ABLIM1: variants seen among roughly 807,000 people sequenced by gnomAD.
ABLIM1 encodes the protein actin binding LIM protein 1, also known as actin-binding LIM protein 1.
A neutral mutation model predicts 107.0 loss-of-function variants in ABLIM1; 40 were observed. The ratio of observed to expected loss-of-function variants is 0.37; its 90% CI spans 0.29 to 0.49. The LOEUF is 0.49. Ranked by LOEUF, ABLIM1 falls within the 20% of genes least tolerant of loss-of-function variation. ABLIM1 has a pLI of 0.97. For synonymous variants in ABLIM1, 357 were observed against 357.3 expected, an observed-to-expected ratio of 1.00 and a Z score of 0.01; for missense variants, 857 against 1,008.5, an observed-to-expected ratio of 0.85 and a Z score of 2.04.
At chr10:114,557,019 A>C (rs943108927) in intron 4 of ABLIM1, among the ~76,000 whole-genome samples, 2 of 152,254 alleles carry the variant, frequency 1.3e-5, no homozygotes, top group Non-Finnish European at 2.9e-5. Context: ...TAGCCAGAAA[A>C]GCAATACAAG....
At position 114,436,194 on chromosome 10, in the gene ABLIM1, A is replaced by G; in HGVS notation, c.*66T>C. On this transcript the variant is annotated 3_prime_UTR_variant, in exon 23 of 23. Coordinates refer to ENST00000533213, the MANE Select transcript of ABLIM1 (RefSeq NM_002313.7). ...AATTCTCCAATCAAGTTTGGGCCTC[A>G]ATATGACATCCTATGGGGCACCGCC... is the stretch of plus-strand genomic sequence containing the variant. 7.5e-7 allele frequency: 1 copy of G among 1,330,716 alleles called. No homozygotes were observed. The highest frequency in any genetic ancestry group is 1.1e-6 in the Non-Finnish European group (1 of 943,284). The allele number at this position is 1,330,716 out of a possible 1,614,324, so 82.4% of individuals were successfully genotyped here.
At chr10:114,589,184 G>A (rs1298971299) in intron 2 of ABLIM1, among the ~76,000 whole-genome samples, 5 of 150,082 alleles carry the variant, frequency 3.3e-5, no homozygotes, top group Non-Finnish European at 7.4e-5. Context: ...ATAGCTGTAC[G>A]ATGCGTGTGT....
intron 14 of ABLIM1, among the ~76,000 whole-genome samples, 193 bp from the exon 15 acceptor site, chr10:114,448,213 G>A (rs1018399944): frequency 2.6e-5 from 4 of 152,118 alleles, no homozygotes; most frequent in African/African-American, 7.2e-5. Flanking sequence ...CTTACTTTAC[G>A]TCAGAAGCAA....
intron 2 of ABLIM1, among the ~76,000 whole-genome samples, chr10:114,592,338 G>C (rs1434016554): frequency 6.6e-6 from 1 of 152,102 alleles, no homozygotes; most frequent in Non-Finnish European, 1.5e-5. Flanking sequence ...AGGTCCTGAG[G>C]CTATTTGGTA....
At position 114,627,832 on chromosome 10, in the gene ABLIM1, C is replaced by A. The variant is rs192681437; in HGVS notation, c.245-25871G>T. 2.0e-4 allele frequency among the ~76,000 whole-genome samples: 30 copies of A among 152,240 alleles called. No homozygotes were observed. The East Asian group carries it at 5.0e-3, about 26-fold the overall frequency. ...TGATTGACTTTCCATACAAATTGTT[C>A]ACATCTTAGCCTGGGAACGGTGGCT... On this transcript the variant is annotated intron_variant, in intron 1 of 22. Transcript: ENST00000533213.
At chr10:114,757,165 A>C (rs1182097634) in intron 1 of ABLIM1, among the ~76,000 whole-genome samples, 1 of 152,218 alleles carries the variant, frequency 6.6e-6, no homozygotes, top group Non-Finnish European at 1.5e-5. Context: ...ATAATGAGAA[A>C]CCATAAATAA....
Position 114,466,682 on chromosome 10 carries a change from C to CA in ABLIM1, c.1312-856dup, listed in dbSNP as rs529826202. On this transcript the variant is annotated intron_variant, in intron 11 of 22. Coordinates refer to ENST00000533213, the MANE Select transcript of ABLIM1 (RefSeq NM_002313.7). ...ATTTTAAATAAATTCTCCTGAATAA[C>CA]AAGTTGATGGTTGCCATAAAGCCGG... Among the ~76,000 whole-genome samples, 257 of 152,280 alleles carry CA rather than the reference C, an allele frequency of 1.7e-3. 2 individuals carry two copies. The highest frequency in any genetic ancestry group is 6.1e-3 in the African/African-American group (252 of 41,560).
chr10:114,526,633 G>T lies in ABLIM1; in HGVS notation c.894+18372C>A, dbSNP rs963548281. On this transcript the variant is annotated intron_variant, in intron 6 of 22. Coordinates refer to ENST00000533213, the MANE Select transcript of ABLIM1 (RefSeq NM_002313.7). ...TCTGCCACGCAAAGCAAAGGACATA[G>T]GTCACCTTGTGCAATGTCCGCTTTA... 5.1e-6 allele frequency: 5 copies of T among 985,402 alleles called. No homozygotes were observed. In the African/African-American group the frequency reaches 8.7e-5, roughly 17 times the overall value. The allele number at this position is 985,402 out of a possible 1,614,324, so 61.0% of individuals were successfully genotyped here.
At chr10:114,554,884 C>T (rs149581640) in intron 4 of ABLIM1, among the ~76,000 whole-genome samples, 157 of 152,306 alleles carry the variant, frequency 1.0e-3, no homozygotes, top group African/African-American at 3.3e-3. Flanking sequence ...CAAATTCCAG[C>T]TCTGACACTG....
chr10:114,748,374 A>G (rs1034009302), intron 1 of ABLIM1, among the ~76,000 whole-genome samples: 1 of 152,164 alleles, frequency 6.6e-6, no homozygotes, highest in Non-Finnish European at 1.5e-5. Flanking sequence ...CAGAAGGAAG[A>G]GAGCAGTTCA....
rs79958403 is a variant in ABLIM1, at chr10:114,579,135, A to G, written c.380-3536T>C. Among the ~76,000 whole-genome samples, 1,026 of 152,154 alleles carry G rather than the reference A, an allele frequency of 6.7e-3. 11 individuals are homozygous for G. Among genetic ancestry groups the G allele is most frequent in the African/African-American group, 0.024 (991 of 41,508 alleles). On this transcript the variant is annotated intron_variant, in intron 2 of 22. Transcript: ENST00000533213. ...TTCCCTCCTCTGCCTTCTTGCTATC[A>G]CTACTCAAAACCTGGCCTTCAGCAT...
chr10:114,712,994 A>T (rs1478535478), intron 1 of ABLIM1, among the ~76,000 whole-genome samples: 1 of 152,176 alleles, frequency 6.6e-6, no homozygotes, highest in Admixed American at 6.5e-5. Context: ...AAGTTGCAGT[A>T]GCTATGATCA....
At chr10:114,727,892 TCCAGCCTGG>T (rs1264723740) in intron 1 of ABLIM1, among the ~76,000 whole-genome samples, 7 of 151,972 alleles carry the variant, frequency 4.6e-5, no homozygotes, top group Admixed American at 4.6e-4. Context: ...CACATTGCAC[TCCAGCCTGG>T]GCAACAGAGC....
At chr10:114,717,951 G>A (rs1219138292) in intron 1 of ABLIM1, among the ~76,000 whole-genome samples, 5 of 140,952 alleles carry the variant, frequency 3.5e-5, no homozygotes, top group East Asian at 2.1e-4. Flanking sequence ...GGGGAGGGGA[G>A]GGGGAAAGAG....
At chr10:114,609,136 C>T (rs976652963) in intron 1 of ABLIM1, among the ~76,000 whole-genome samples, 1 of 152,202 alleles carries the variant, frequency 6.6e-6, no homozygotes, top group East Asian at 1.9e-4. Flanking sequence ...AAACAACTAC[C>T]TCTGCTGAGT....
chr10:114,738,119 G>T (rs2082218840), intron 1 of ABLIM1, among the ~76,000 whole-genome samples: 1 of 152,132 alleles, frequency 6.6e-6, no homozygotes, highest in South Asian at 2.1e-4. Context: ...CGCGATCTTG[G>T]CTCACAGCAA....
In ABLIM1 at chr10:114,707,879, C is replaced by T. The variant is rs146455238; in HGVS notation, c.-213+60182G>A. On this transcript the variant is annotated intron_variant, in intron 1 of 15. Coordinates refer to the ABLIM1 transcript ENST00000651092. This position sits in a 1 kb window ranked among gnomAD's most constrained non-coding sequence, Gnocchi z 4.1. ...TTGCACCATTGCACTCTAGCCTGGG[C>T]GACAAGAGCAAAACTCCGTCTCAAA... Among the ~76,000 whole-genome samples, 4,520 of 151,930 alleles carry T rather than the reference C, an allele frequency of 0.03. 90 individuals carry two copies. Among genetic ancestry groups the T allele is most frequent in the Middle Eastern group, 0.11 (31 of 294 alleles).
chr10:114,678,016 T>C (rs1050716224), intron 1 of ABLIM1, among the ~76,000 whole-genome samples: 2 of 152,220 alleles, frequency 1.3e-5, no homozygotes, highest in Non-Finnish European at 2.9e-5. Flanking sequence ...TTCCTGATGG[T>C]TAAAAATCAA....
intron 2 of ABLIM1, among the ~76,000 whole-genome samples, chr10:114,580,123 C>T (rs1289506844): frequency 1.3e-5 from 2 of 151,368 alleles, no homozygotes; most frequent in African/African-American, 4.8e-5. Context: ...AGTTTTACAT[C>T]TAGCCCAGCC....
Sources: allele counts gnomAD v4.1 joint callset (sites outside exome capture counted in the v4.1 genomes callset), GRCh38; gene constraint gnomAD v4.1.1; non-coding constraint Gnocchi (gnomAD v3.1); transcripts MANE v1.5; gene names NCBI Gene and HGNC (gene_info 2026-07-23, HGNC 2026-07-21).